The following UST variants were observed in gnomAD, a reference collection of about 807,000 sequenced individuals.
UST encodes chondroitin sulfate 2-O-sulfotransferase.
UST carries 21 observed loss-of-function variants against 45.6 expected under a neutral mutation model. That is an observed-to-expected ratio of 0.46 (90% CI 0.33 to 0.66). The LOEUF is 0.66. UST is among the 30% of genes least tolerant of loss of function. The probability of loss-of-function intolerance (pLI) is 0.02; values close to 1 mark genes in which losing one functional copy is unlikely to be tolerated. For synonymous variants in UST, 215 were observed against 200.6 expected, an observed-to-expected ratio of 1.07 and a Z score of -0.61; for missense variants, 463 against 512.4, an observed-to-expected ratio of 0.90 and a Z score of 0.93.
intron 5 of UST, among the ~76,000 whole-genome samples, chr6:148,993,914 C>A (rs979393629): frequency 2.0e-5 from 3 of 150,740 alleles, no homozygotes; most frequent in Non-Finnish European, 4.4e-5. Flanking sequence ...GTCAGTTAAA[C>A]CTCTTTTCCT....
intron 1 of UST, among the ~76,000 whole-genome samples, chr6:148,773,920 G>GAACTTGTC (rs1776480857): frequency 6.6e-6 from 1 of 152,160 alleles, no homozygotes; most frequent in Non-Finnish European, 1.5e-5. Flanking sequence ...ATCTCCCTGA[G>GAACTTGTC]AACTTGTCTT....
chr6:148,760,890 A>G (rs1197322912), intron 1 of UST, among the ~76,000 whole-genome samples: 2 of 152,212 alleles, frequency 1.3e-5, no homozygotes, highest in Non-Finnish European at 2.9e-5. Context: ...CTGGCCAGTA[A>G]GCACAAAGAG....
At chr6:148,903,726 A>C (rs1053595637) in intron 2 of UST, among the ~76,000 whole-genome samples, 4 of 152,286 alleles carry the variant, frequency 2.6e-5, no homozygotes, top group Middle Eastern at 3.4e-3. Flanking sequence ...AGGTGACTCT[A>C]ATATGCAGGT....
intron 1 of UST, among the ~76,000 whole-genome samples, chr6:148,871,117 C>CTCTCTCTCTCTCT (rs1778543531): frequency 1.3e-4 from 13 of 97,588 alleles, no homozygotes; most frequent in Non-Finnish European, 1.5e-4. Flanking sequence ...GCATTCTCTC[C>CTCTCTCTCTCTCT]CTCTCTCTCT....
intron 7 of UST, among the ~76,000 whole-genome samples, chr6:149,036,328 C>G (rs2115028686): frequency 6.6e-6 from 1 of 152,374 alleles, no homozygotes; most frequent in Middle Eastern, 3.4e-3. Context: ...TTCGTCAGCA[C>G]TTCAGACTCT....
chr6:148,971,018 G>A (rs188594623), intron 5 of UST, among the ~76,000 whole-genome samples: 5 of 152,266 alleles, frequency 3.3e-5, no homozygotes, highest in East Asian at 1.9e-4. Flanking sequence ...GGACACCTTC[G>A]ACGTCCATTA....
At chr6:148,978,879 A>G (rs1781076164) in intron 5 of UST, among the ~76,000 whole-genome samples, 1 of 152,186 alleles carries the variant, frequency 6.6e-6, no homozygotes, top group South Asian at 2.1e-4. Context: ...GAAGTCAGAT[A>G]ATTGAAGTAA....
At chr6:148,765,846 C>T (rs1582797180) in intron 1 of UST, among the ~76,000 whole-genome samples, 1 of 152,316 alleles carries the variant, frequency 6.6e-6, no homozygotes, top group Admixed American at 6.5e-5. Flanking sequence ...CTTCCTGCAG[C>T]ATCTTGCCTA....
At chr6:148,868,277 G>A (rs1778483757) in intron 1 of UST, among the ~76,000 whole-genome samples, 2 of 152,216 alleles carry the variant, frequency 1.3e-5, no homozygotes, top group African/African-American at 4.8e-5. Context: ...ATGTTAAGTA[G>A]GCTTGGATAT....
At chr6:148,998,477 G>T (rs1781490657) in intron 5 of UST, among the ~76,000 whole-genome samples, 1 of 152,196 alleles carries the variant, frequency 6.6e-6, no homozygotes, top group East Asian at 1.9e-4. Context: ...TTTCCTTCTG[G>T]TATTACATGC....
At chr6:148,895,620 G>A (rs1172484002) in intron 2 of UST, among the ~76,000 whole-genome samples, 1 of 152,168 alleles carries the variant, frequency 6.6e-6, no homozygotes, top group South Asian at 2.1e-4. Flanking sequence ...AATCATGGGG[G>A]TGGTTTCCTC....
At chr6:148,951,793 G>A (rs1344429258) in intron 3 of UST, among the ~76,000 whole-genome samples, 2 of 152,192 alleles carry the variant, frequency 1.3e-5, no homozygotes, top group Non-Finnish European at 2.9e-5. Flanking sequence ...ACGAGCATTA[G>A]TACCTTGATT....
chr6:148,969,549 A>G (rs770904768), intron 5 of UST, among the ~76,000 whole-genome samples: 3 of 152,162 alleles, frequency 2.0e-5, no homozygotes, highest in Non-Finnish European at 1.5e-5. Context: ...GGGAGAGTCT[A>G]TTGAGCATTC....
intron 1 of UST, among the ~76,000 whole-genome samples, chr6:148,819,924 C>G (rs1345360104): frequency 1.3e-5 from 2 of 152,158 alleles, no homozygotes; most frequent in Non-Finnish European, 2.9e-5. Flanking sequence ...GGGTTTATAC[C>G]CTTCAGCTTT....
At chr6:148,846,797 G>T (rs932744902) in intron 1 of UST, among the ~76,000 whole-genome samples, 1 of 152,218 alleles carries the variant, frequency 6.6e-6, no homozygotes, top group Admixed American at 6.5e-5. Flanking sequence ...GTCCCTTTCA[G>T]CAGTGACAAT....
At chr6:148,874,865 G>A (rs1030837566) in intron 1 of UST, among the ~76,000 whole-genome samples, 2 of 152,224 alleles carry the variant, frequency 1.3e-5, no homozygotes, top group African/African-American at 4.8e-5. Context: ...GGTGGAAAGT[G>A]TGGCATTAGC....
chr6:148,773,550 A>G (rs1776473953), intron 1 of UST, among the ~76,000 whole-genome samples: 1 of 152,222 alleles, frequency 6.6e-6, no homozygotes, highest in South Asian at 2.1e-4. Context: ...AGTATAAATG[A>G]GGTAAATGCA....
intron 2 of UST, among the ~76,000 whole-genome samples, chr6:148,910,341 T>C (rs1779448719): frequency 1.3e-5 from 2 of 152,134 alleles, no homozygotes; most frequent in Non-Finnish European, 2.9e-5. Flanking sequence ...GGTTTCTCCA[T>C]GTTGGTCAGG....
intron 1 of UST, among the ~76,000 whole-genome samples, chr6:148,862,464 G>T (rs1452312509): frequency 6.6e-6 from 1 of 152,196 alleles, no homozygotes; most frequent in East Asian, 1.9e-4. Flanking sequence ...TTGCCAGTCT[G>T]TGTCTTTTAA....
Sources: gnomAD v4.1 joint callset for allele counts (sites outside exome capture counted in the v4.1 genomes callset) on GRCh38, gnomAD v4.1.1 for gene constraint, MANE v1.5 for transcripts, NCBI Gene and HGNC (gene_info 2026-07-23, HGNC 2026-07-21) for gene names.